Variants in DST observed in about 807,000 individuals in gnomAD.
DST encodes the protein dystonin, also known as bullous pemphigoid antigen.
DST carries 253 observed loss-of-function variants against 875.2 expected under a neutral mutation model. The ratio of observed to expected loss-of-function variants is 0.29; its 90% CI spans 0.26 to 0.32. The LOEUF is 0.32. DST is among the 10% of genes least tolerant of loss of function. The pLI is 1.00. For synonymous variants in DST, 3,124 were observed against 3,197.1 expected (o/e 0.98, Z 0.77); for missense variants, 8,287 against 9,111.6 (o/e 0.91, Z 3.68).
chr6:56,794,750 GA>G (rs2099736779), intron 4 of DST, among the ~76,000 whole-genome samples: 2 of 152,298 alleles, frequency 1.3e-5, no homozygotes, highest in South Asian at 4.1e-4. Flanking sequence ...ACATAAATGA[GA>G]AAGGCAAATT....
At chr6:56,803,017 C>G (rs971170852) in intron 4 of DST, among the ~76,000 whole-genome samples, 20 of 152,138 alleles carry the variant, frequency 1.3e-4, no homozygotes, top group African/African-American at 4.8e-4. Context: ...AGATGAAAAT[C>G]TGCAATAATA....
intron 4 of DST, among the ~76,000 whole-genome samples, chr6:56,788,960 G>A (rs1285351512): frequency 6.6e-6 from 1 of 152,146 alleles, no homozygotes; most frequent in Non-Finnish European, 1.5e-5. Context: ...CCTGCAGAAA[G>A]GTTGTATGAT....
Position 56,673,505 on chromosome 6 carries a change from T to G in DST, c.1048-2698A>C, listed in dbSNP as rs116490808. ...CTGTTAACTAGGGAAGTCAGTAAAG[T>G]TCAACTACAAGATACCAGCTTAACA... On this transcript the variant is annotated intron_variant, in intron 9 of 103. Transcript: ENST00000680361. Among the ~76,000 whole-genome samples the G allele has an allele frequency of 4.4e-3, 677 of 152,188 alleles. 6 individuals carry two copies. Among genetic ancestry groups the G allele is most frequent in the African/African-American group, 0.016 (649 of 41,502 alleles).
At chr6:56,724,051 T>C (rs1377161102) in intron 5 of DST, among the ~76,000 whole-genome samples, 1 of 152,230 alleles carries the variant, frequency 6.6e-6, no homozygotes, top group Non-Finnish European at 1.5e-5. Flanking sequence ...AAAGTATTAA[T>C]CAGAAATTAA....
At position 56,551,610 on chromosome 6, in the gene DST, TA is replaced by T. The variant is rs554092776; in HGVS notation, c.16608+573del. Among the ~76,000 whole-genome samples, 35 of 152,228 alleles carry T rather than the reference TA, an allele frequency of 2.3e-4. 1 individual carries two copies. Among genetic ancestry groups the T allele is most frequent in the Admixed American group, 2.0e-3 (30 of 15,294 alleles). ...AGTCATTTCTTGGCACTGAGGAGCT[TA>T]TGTCATGCAATAAAAAAAAAATTCA... On this transcript the variant is annotated intron_variant, in intron 61 of 103. Coordinates refer to ENST00000680361, the MANE Select transcript of DST (RefSeq NM_001374736.1).
rs2098670795 is a variant in DST, at chr6:56,619,868, A to G, written c.4929+4662T>C. 6.2e-7 allele frequency: 1 copy of G among 1,614,124 alleles called. No homozygotes were observed. Among genetic ancestry groups the G allele is most frequent in the Non-Finnish European group, 8.5e-7 (1 of 1,180,028 alleles). On this transcript the variant is annotated intron_variant, in intron 36 of 103. Coordinates refer to ENST00000680361, the MANE Select transcript of DST (RefSeq NM_001374736.1). Reference sequence around the variant, plus strand: ...CGTTTTTTCAAGCTGGAGGGCATTAAGTTCATATGTCAGCTCTCTCATGTC... The same window carrying G: ...CGTTTTTTCAAGCTGGAGGGCATTAGGTTCATATGTCAGCTCTCTCATGTC...
chr6:56,488,393 G>A (rs1029966460), intron 86 of DST, among the ~76,000 whole-genome samples: 1 of 152,158 alleles, frequency 6.6e-6, no homozygotes, highest in African/African-American at 2.4e-5. Flanking sequence ...TGAGAAGGAA[G>A]CTCTCATTTC....
chr6:56,564,928 G>A (rs1435636629), intron 55 of DST, among the ~76,000 whole-genome samples: 1 of 152,088 alleles, frequency 6.6e-6, no homozygotes, highest in African/African-American at 2.4e-5. Context: ...TTTTATCGTG[G>A]TGGATAAGCT....
At chr6:56,840,673 T>C (rs2099798899) in intron 4 of DST, among the ~76,000 whole-genome samples, 1 of 152,204 alleles carries the variant, frequency 6.6e-6, no homozygotes, top group African/African-American at 2.4e-5. Context: ...GACTACACCA[T>C]AAATAATTAG....
In DST at chr6:56,487,223, G is replaced by C. The variant is rs772182390; in HGVS notation, c.20928C>G (p.Asn6976Lys). Reference sequence around the variant, plus strand: ...TCTCCTTCAGAGAACGTCCAGTCCTGTTGGTGGTGTCGTAGACAGAATGCT... The same window carrying C: ...TCTCCTTCAGAGAACGTCCAGTCCTCTTGGTGGTGTCGTAGACAGAATGCT... ...GAKHSVYDTTNRTGRSLKEKT... is the reference protein window; with the variant it reads ...GAKHSVYDTTKRTGRSLKEKT... Residue 6976 changes from asparagine (N) to lysine (K), a missense_variant, in exon 87 of 104, where the codon AAC (asparagine) becomes AAG (lysine). Asn to Lys is a moderately conservative substitution (Grantham distance 94). Transcript: ENST00000680361. The C allele has an allele frequency of 4.3e-6, 7 of 1,612,224 alleles. No homozygotes were observed. In the South Asian group the frequency reaches 7.7e-5, roughly 18 times the overall value.
intron 2 of DST, among the ~76,000 whole-genome samples, chr6:56,910,165 T>C (rs1798242870): frequency 6.6e-6 from 1 of 152,206 alleles, no homozygotes; most frequent in Non-Finnish European, 1.5e-5. Flanking sequence ...TGCACATTTC[T>C]TTTTATTTAT....
At chr6:56,593,350 C>T (rs1324427762) in intron 48 of DST, among the ~76,000 whole-genome samples, 2 of 151,686 alleles carry the variant, frequency 1.3e-5, no homozygotes, top group Admixed American at 6.6e-5. Context: ...CCCATCTCTA[C>T]TAAAAACAGA....
chr6:56,908,342 C>T (rs988828853), intron 2 of DST, among the ~76,000 whole-genome samples: 2 of 152,176 alleles, frequency 1.3e-5, no homozygotes, highest in East Asian at 1.9e-4. Flanking sequence ...GGGCAGTCAA[C>T]GAACTTGGAT....
chr6:56,842,046 G>A (rs1313417681), intron 4 of DST, among the ~76,000 whole-genome samples: 1 of 151,782 alleles, frequency 6.6e-6, no homozygotes, highest in Non-Finnish European at 1.5e-5. Flanking sequence ...AGTGTATTTG[G>A]GCTTTTTGGG....
At chr6:56,758,102 A>G (rs1159289261) in intron 4 of DST, among the ~76,000 whole-genome samples, 1 of 152,224 alleles carries the variant, frequency 6.6e-6, no homozygotes, top group African/African-American at 2.4e-5. Context: ...TGTAGCAGAA[A>G]CTTTTCCCCA....
At chr6:56,922,087 T>C (rs530537498) in intron 2 of DST, among the ~76,000 whole-genome samples, 5 of 152,276 alleles carry the variant, frequency 3.3e-5, no homozygotes, top group African/African-American at 1.2e-4. Flanking sequence ...CCTATTCCCA[T>C]TGACTATTAA....
chr6:56,741,273 G>A (rs371204082), intron 4 of DST, among the ~76,000 whole-genome samples: 1 of 152,160 alleles, frequency 6.6e-6, no homozygotes, highest in East Asian at 1.9e-4. Context: ...CTAATAACAT[G>A]ATATTTCGTA....
At chr6:56,594,446 C>A (rs565803646) in intron 47 of DST, among the ~76,000 whole-genome samples, 2 of 152,170 alleles carry the variant, frequency 1.3e-5, no homozygotes, top group African/African-American at 4.8e-5. Context: ...ATAGGACAGA[C>A]ACCATTTTTC....
intron 28 of DST, 51 bp downstream of exon 28, chr6:56,632,803 C>G (rs187337054): frequency 3.4e-4 from 518 of 1,519,838 alleles, no homozygotes; most frequent in Non-Finnish European, 4.2e-4. Context: ...CAAAAAATAG[C>G]CAGAACTAAA....
Sources: gnomAD v4.1 joint callset for allele counts (sites outside exome capture counted in the v4.1 genomes callset) on GRCh38, gnomAD v4.1.1 for gene constraint, MANE v1.5 for transcripts, NCBI Gene and HGNC (gene_info 2026-07-23, HGNC 2026-07-21) for gene names.